STAU2: variants seen among roughly 807,000 people sequenced by gnomAD.
STAU2 encodes the protein double-stranded RNA-binding protein Staufen homolog 2.
A neutral mutation model predicts 65.9 loss-of-function variants in STAU2; 20 were observed. The ratio of observed to expected loss-of-function variants is 0.30; its 90% CI spans 0.21 to 0.44. STAU2 has a LOEUF of 0.44. Ranked by LOEUF, STAU2 falls within the 20% of genes least tolerant of loss-of-function variation. STAU2 has a pLI of 1.00. For synonymous variants in STAU2, 232 were observed against 233.9 expected, an observed-to-expected ratio of 0.99 and a Z score of 0.07; for missense variants, 558 against 683.9, an observed-to-expected ratio of 0.82 and a Z score of 2.05.
In STAU2 at chr8:73,661,496, C is replaced by T. The variant is rs192729996; in HGVS notation, c.410+11611G>A. On this transcript the variant is annotated intron_variant, in intron 6 of 14. Coordinates refer to ENST00000524300, the MANE Select transcript of STAU2 (RefSeq NM_001164380.2). ...TTTAATGAAATGTGCCTATTTTAGG[C>T]TCAGAGTTTGATGAATTTTGACATA... 5.9e-5 allele frequency among the ~76,000 whole-genome samples: 9 copies of T among 152,236 alleles called. 1 individual carries two copies. The highest frequency in any genetic ancestry group is 1.5e-5 in the Non-Finnish European group (1 of 68,006).
At chr8:73,463,672 T>G (rs1427723954) in intron 13 of STAU2, among the ~76,000 whole-genome samples, 1 of 152,274 alleles carries the variant, frequency 6.6e-6, no homozygotes, top group Admixed American at 6.5e-5. Flanking sequence ...AAGGTATATG[T>G]ACTTCATTTG....
chr8:73,467,630 G>C (rs1819733296), intron 13 of STAU2, among the ~76,000 whole-genome samples: 1 of 152,160 alleles, frequency 6.6e-6, no homozygotes. Flanking sequence ...TTTACAGCTA[G>C]GAAAACAAAG....
rs922297554 is a variant in STAU2 at position 73,421,311 on chromosome 8, A to T, written c.*61T>A. 1 of 1,393,224 alleles carries T rather than the reference A, an allele frequency of 7.2e-7. No homozygotes were observed. The highest frequency in any genetic ancestry group is 1.4e-5 in the African/African-American group (1 of 70,172). The allele number at this position is 1,393,224 out of a possible 1,614,324, so 86.3% of individuals were successfully genotyped here. A position where few individuals can be genotyped will look rare whatever the true frequency, so the allele number is the denominator to read the frequency against. On this transcript the variant is annotated 3_prime_UTR_variant, in exon 15 of 15. Coordinates refer to ENST00000524300, the MANE Select transcript of STAU2 (RefSeq NM_001164380.2). Reference sequence around the variant, plus strand: ...GTCATTCATTTCCCTGAACACAGACACCCTCATGCGTGCTGACAGGTTTAT... The same window carrying T: ...GTCATTCATTTCCCTGAACACAGACTCCCTCATGCGTGCTGACAGGTTTAT...
At chr8:73,665,216 T>A (rs1817143827) in intron 6 of STAU2, among the ~76,000 whole-genome samples, 1 of 152,218 alleles carries the variant, frequency 6.6e-6, no homozygotes, top group Non-Finnish European at 1.5e-5. Context: ...ACATTATTTT[T>A]AACAAAATAT....
At chr8:73,422,266 A>G (rs1739829068) in intron 14 of STAU2, among the ~76,000 whole-genome samples, 1 of 152,072 alleles carries the variant, frequency 6.6e-6, no homozygotes, top group African/African-American at 2.4e-5. Context: ...GAAAACTTTC[A>G]CCGCTGAAAA....
intron 6 of STAU2, among the ~76,000 whole-genome samples, chr8:73,648,864 T>C (rs1815592687): frequency 6.6e-6 from 1 of 152,210 alleles, no homozygotes; most frequent in Non-Finnish European, 1.5e-5. Context: ...TGGAGTACAG[T>C]GGTACCATCA....
intron 1 of STAU2, 149 bp from the exon 2 acceptor site, chr8:73,740,017 G>C (rs1023557809): frequency 3.5e-5 from 19 of 539,154 alleles, no homozygotes; most frequent in Middle Eastern, 6.4e-4. Flanking sequence ...ATATGGCAAA[G>C]AACTGAGAAA....
intron 11 of STAU2, among the ~76,000 whole-genome samples, chr8:73,591,915 CAAGA>C (rs1272150836): frequency 2.3e-5 from 1 of 43,598 alleles, no homozygotes; most frequent in Admixed American, 2.6e-4. Context: ...AAAAAAAAAA[CAAGA>C]GAGAGACAAG....
At chr8:73,602,960 AATT>A (rs746017479) in intron 10 of STAU2, among the ~76,000 whole-genome samples, 4 of 152,078 alleles carry the variant, frequency 2.6e-5, no homozygotes, top group Non-Finnish European at 5.9e-5. Context: ...AGAAGAGAAA[AATT>A]AATAGCTGAA....
At chr8:73,746,510 C>G (rs950760141) in intron 1 of STAU2, among the ~76,000 whole-genome samples, 2 of 151,814 alleles carry the variant, frequency 1.3e-5, no homozygotes, top group Non-Finnish European at 2.9e-5. Context: ...CTCAGGACAC[C>G]TGTGTCGTCC....
intron 12 of STAU2, among the ~76,000 whole-genome samples, chr8:73,576,653 T>C (rs1461364464): frequency 6.6e-6 from 1 of 152,210 alleles, no homozygotes; most frequent in Non-Finnish European, 1.5e-5. Flanking sequence ...TCATAAGTTA[T>C]ATAAGTGTTA....
At chr8:73,668,478 AT>A (rs1303671845) in intron 6 of STAU2, among the ~76,000 whole-genome samples, 2 of 152,154 alleles carry the variant, frequency 1.3e-5, no homozygotes, top group African/African-American at 4.8e-5. Flanking sequence ...AAGCAATAAT[AT>A]TTTTTTATCT....
chr8:73,700,077 A>G (rs796851263), intron 4 of STAU2, among the ~76,000 whole-genome samples: 9 of 152,120 alleles, frequency 5.9e-5, no homozygotes, highest in African/African-American at 2.2e-4. Context: ...CAAAAACCAT[A>G]CATTTCAATT....
chr8:73,581,868 G>C (rs2128962133), intron 12 of STAU2, among the ~76,000 whole-genome samples: 2 of 152,244 alleles, frequency 1.3e-5, no homozygotes, highest in South Asian at 4.1e-4. Context: ...TATACATCAA[G>C]AGACGAGCCA....
At chr8:73,602,972 A>T (rs1420780009) in intron 10 of STAU2, among the ~76,000 whole-genome samples, 1 of 152,192 alleles carries the variant, frequency 6.6e-6, no homozygotes, top group African/African-American at 2.4e-5. Context: ...TTAATAGCTG[A>T]ATCAAGTGTG....
intron 13 of STAU2, among the ~76,000 whole-genome samples, chr8:73,533,099 A>C (rs1323377906): frequency 6.6e-6 from 1 of 152,210 alleles, no homozygotes; most frequent in Non-Finnish European, 1.5e-5. Context: ...AAACCTCTTT[A>C]AAAATACTTC....
chr8:73,691,710 A>C (rs1819332976), intron 4 of STAU2, among the ~76,000 whole-genome samples: 1 of 152,106 alleles, frequency 6.6e-6, no homozygotes, highest in Non-Finnish European at 1.5e-5. Context: ...TATAAGAAAT[A>C]TGTATTTGGT....
At chr8:73,663,149 C>T (rs1816964090) in intron 6 of STAU2, among the ~76,000 whole-genome samples, 1 of 152,088 alleles carries the variant, frequency 6.6e-6, no homozygotes. Flanking sequence ...TACATCTATT[C>T]GACTCTGCTG....
Position 73,467,858 on chromosome 8 carries a change from T to C in STAU2, c.1531-45156A>G, listed in dbSNP as rs1381559271. ...TGCTCATGGATAGGAAGAATCAATA[T>C]CATGAAAATGGCCATACTGCCCAAG... On this transcript the variant is annotated intron_variant, in intron 13 of 14. Coordinates refer to ENST00000524300, the MANE Select transcript of STAU2 (RefSeq NM_001164380.2). Among the ~76,000 whole-genome samples, 5 of 152,242 alleles carry C rather than the reference T, an allele frequency of 3.3e-5. No individual in the cohort carries two copies. The East Asian group carries it at 7.7e-4, about 24-fold the overall frequency.
Sources: gnomAD v4.1 joint callset for allele counts (sites outside exome capture counted in the v4.1 genomes callset) on GRCh38, gnomAD v4.1.1 for gene constraint, MANE v1.5 for transcripts, NCBI Gene and HGNC (gene_info 2026-07-23, HGNC 2026-07-21) for gene names.